PDE4D: variants seen among roughly 807,000 people sequenced by gnomAD.
PDE4D encodes the protein phosphodiesterase 4D.
In PDE4D, 24 loss-of-function variants were observed where a neutral mutation model predicts 87.4. That is an observed-to-expected ratio of 0.27 (90% CI 0.20 to 0.39). The LOEUF (loss-of-function observed/expected upper bound fraction) is 0.39. Ranked by LOEUF, PDE4D falls within the 10% of genes least tolerant of loss-of-function variation. The pLI is 1.00. For synonymous variants in PDE4D, 384 were observed against 383.2 expected (o/e 1.00, Z -0.02); for missense variants, 714 against 1,041.0 (o/e 0.69, Z 4.32).
At chr5:59,499,810 C>T (rs922295129) in intron 1 of PDE4D, among the ~76,000 whole-genome samples, 2 of 151,506 alleles carry the variant, frequency 1.3e-5, no homozygotes, top group South Asian at 2.1e-4. Context: ...TAGCCCTGAA[C>T]CAAATGGATT....
At chr5:59,988,709 C>A (rs1042411133) in exon 3 of PDE4D, 1 of 1,579,378 alleles carries the variant, frequency 6.3e-7, no homozygotes, top group African/African-American at 1.3e-5. Flanking sequence ...GTAGTGTTTC[C>A]TCAGAGGCCT....
At chr5:59,208,601 A>G (rs1338729956) in intron 2 of PDE4D, among the ~76,000 whole-genome samples, 1 of 150,726 alleles carries the variant, frequency 6.6e-6, no homozygotes, top group African/African-American at 2.4e-5. Flanking sequence ...TAAAATGTCT[A>G]AACATCAGGA....
chr5:60,115,564 C>T (rs1000296659), intron 2 of PDE4D, among the ~76,000 whole-genome samples: 1 of 152,058 alleles, frequency 6.6e-6, no homozygotes, highest in Non-Finnish European at 1.5e-5. Flanking sequence ...CAATATAATG[C>T]TATAATCTAT....
At chr5:60,002,078 T>G (rs1764075835) in intron 2 of PDE4D, among the ~76,000 whole-genome samples, 3 of 151,894 alleles carry the variant, frequency 2.0e-5, no homozygotes, top group Non-Finnish European at 4.4e-5. Flanking sequence ...ATAAATGGAT[T>G]AAATTATTCA....
At chr5:59,712,813 A>T (rs1004814186) in intron 1 of PDE4D, among the ~76,000 whole-genome samples, 1 of 152,172 alleles carries the variant, frequency 6.6e-6, no homozygotes, top group Non-Finnish European at 1.5e-5. Flanking sequence ...TTGGTGGACA[A>T]GGTTGTCACA....
chr5:60,018,333 C>A (rs1056414189), intron 2 of PDE4D, among the ~76,000 whole-genome samples: 6 of 152,086 alleles, frequency 3.9e-5, no homozygotes, highest in Admixed American at 6.5e-5. Context: ...TGCAAGAGCT[C>A]CTGAAGGAAG....
At chr5:59,435,771 T>C (rs2153633758) in intron 1 of PDE4D, among the ~76,000 whole-genome samples, 1 of 152,352 alleles carries the variant, frequency 6.6e-6, no homozygotes, top group East Asian at 1.9e-4. Context: ...AAGTCTTTCC[T>C]GAACTCCCTT....
At chr5:60,149,403 T>C (rs755159486) in intron 2 of PDE4D, among the ~76,000 whole-genome samples, 1 of 152,132 alleles carries the variant, frequency 6.6e-6, no homozygotes, top group Non-Finnish European at 1.5e-5. Context: ...CATTAATCTA[T>C]TCATGATGGA....
At chr5:59,198,564 T>A (rs1746009304) in intron 2 of PDE4D, among the ~76,000 whole-genome samples, 1 of 152,182 alleles carries the variant, frequency 6.6e-6, no homozygotes, top group East Asian at 1.9e-4. Context: ...ACCAGAGTCA[T>A]CTTCACTAGT....
intron 1 of PDE4D, among the ~76,000 whole-genome samples, chr5:59,804,494 C>T (rs188650431): frequency 7.9e-5 from 12 of 152,322 alleles, no homozygotes; most frequent in South Asian, 4.1e-4. Flanking sequence ...TGGTCTTTCT[C>T]GTAGAATGAC....
chr5:59,583,313 T>C (rs1561263259), intron 1 of PDE4D, among the ~76,000 whole-genome samples: 1 of 152,212 alleles, frequency 6.6e-6, no homozygotes, highest in Non-Finnish European at 1.5e-5. Context: ...TGCTGCTACA[T>C]GAAATTTAAA....
intron 1 of PDE4D, among the ~76,000 whole-genome samples, chr5:59,880,824 A>G (rs1461647444): frequency 6.6e-6 from 1 of 152,164 alleles, no homozygotes; most frequent in African/African-American, 2.4e-5. Flanking sequence ...TTTTCCCTAA[A>G]TACATTTTTT....
intron 1 of PDE4D, among the ~76,000 whole-genome samples, chr5:59,793,787 G>A (rs1460827815): frequency 6.6e-6 from 1 of 152,164 alleles, no homozygotes; most frequent in African/African-American, 2.4e-5. Flanking sequence ...TATATGAAAT[G>A]GCTTTTTTAA....
chr5:60,206,629 T>C (rs1416074552), intron 1 of PDE4D, among the ~76,000 whole-genome samples: 3 of 152,212 alleles, frequency 2.0e-5, no homozygotes, highest in Admixed American at 2.0e-4. Context: ...TCTGAAAATA[T>C]GTGTGCTCAT....
intron 1 of PDE4D, among the ~76,000 whole-genome samples, chr5:59,492,098 A>G (rs1806318094): frequency 6.6e-6 from 1 of 152,222 alleles, no homozygotes; most frequent in South Asian, 2.1e-4. Flanking sequence ...CTTGGGCCTA[A>G]ATCTCTGCCT....
intron 1 of PDE4D, among the ~76,000 whole-genome samples, chr5:59,728,094 A>G (rs1756865638): frequency 6.6e-6 from 1 of 151,994 alleles, no homozygotes; most frequent in Non-Finnish European, 1.5e-5. Flanking sequence ...TATTTTACTT[A>G]ATTTGTAGTC....
At chr5:59,899,282 C>T (rs1475923220) in intron 3 of PDE4D, among the ~76,000 whole-genome samples, 2 of 152,072 alleles carry the variant, frequency 1.3e-5, no homozygotes, top group African/African-American at 4.8e-5. Flanking sequence ...AACACCTGTT[C>T]ACCTGATTGT....
chr5:59,837,926 C>G (rs1374092654), intron 1 of PDE4D, among the ~76,000 whole-genome samples: 2 of 152,098 alleles, frequency 1.3e-5, no homozygotes, highest in African/African-American at 4.8e-5. Context: ...ATAGGTTCTA[C>G]TTTCAAGGAT....
chr5:59,651,021 C>G (rs934158599), intron 1 of PDE4D, among the ~76,000 whole-genome samples: 2 of 151,980 alleles, frequency 1.3e-5, no homozygotes, highest in East Asian at 3.9e-4. Context: ...TTTGGGAGGC[C>G]GAGGTGGGCG....
Sources: allele counts gnomAD v4.1 joint callset (sites outside exome capture counted in the v4.1 genomes callset), GRCh38; gene constraint gnomAD v4.1.1; transcripts MANE v1.5; gene names NCBI Gene and HGNC (gene_info 2026-07-23, HGNC 2026-07-21).